The following C1orf116 variants were observed in gnomAD, a reference collection of about 807,000 sequenced individuals.
The protein encoded by C1orf116 is specifically androgen-regulated gene protein.
A neutral mutation model predicts 14.1 loss-of-function variants in C1orf116; 12 were observed. That is an observed-to-expected ratio of 0.85 (90% CI 0.54 to 1.38). C1orf116 has a LOEUF of 1.38. Ranked by LOEUF, C1orf116 falls within the 40% of genes most tolerant of loss-of-function variation. The pLI, the probability that C1orf116 is intolerant of heterozygous loss-of-function variation, is 0.00. For missense variants in C1orf116, 797 were observed against 747.0 expected, an observed-to-expected ratio of 1.07 and a Z score of -0.78; for synonymous variants, 296 against 299.0, an observed-to-expected ratio of 0.99 and a Z score of 0.10.
chr1:207,031,159 A>G (rs1682232231), intron 1 of C1orf116, among the ~76,000 whole-genome samples: 1 of 152,216 alleles, frequency 6.6e-6, no homozygotes, highest in South Asian at 2.1e-4. Context: ...CTACCCAGAA[A>G]TGTGCCTTGG....
rs1463907188 is a variant in C1orf116 at position 207,022,302 on chromosome 1, C to G, written c.1462G>C (p.Gly488Arg). 1 of 1,613,792 alleles carries G rather than the reference C, an allele frequency of 6.2e-7. No individual in the cohort carries two copies. The highest frequency in any genetic ancestry group is 8.5e-7 in the Non-Finnish European group (1 of 1,179,932). ...GAAAGGTAGCTGCTCAGTCCCACGCCTGAGCGCTCCAGAGTGTTGGACTTG... is the reference window on the plus strand; with the variant it reads ...GAAAGGTAGCTGCTCAGTCCCACGCGTGAGCGCTCCAGAGTGTTGGACTTG... ...NFKSNTLERS[G>R]VGLSSYLSTE... Residue 488 changes from glycine to arginine, a missense_variant, in exon 4 of 4, where the codon GGC (glycine) becomes CGC (arginine). By Grantham distance (125) the Gly-to-Arg change is moderately radical. Coordinates refer to ENST00000359470, the MANE Select transcript of C1orf116 (RefSeq NM_023938.6).
chr1:207,019,223 G>A lies in C1orf116; in HGVS notation c.*2735C>T, dbSNP rs1011517356. 1 of 152,254 alleles carries A rather than the reference G, an allele frequency of 6.6e-6. No individual in the cohort carries two copies. Among genetic ancestry groups the A allele is most frequent in the African/African-American group, 2.4e-5 (1 of 41,436 alleles). The allele number at this position is 152,254 out of a possible 1,614,324, so 9.4% of individuals were successfully genotyped here. ...GCACAGAATTCCAAGTGTAGCACAG[G>A]TGTGGCAATTCAGAAGAGCAGCTGT... is the stretch of plus-strand genomic sequence containing the variant. On this transcript the variant is annotated 3_prime_UTR_variant, in exon 4 of 4. Coordinates refer to ENST00000359470, the MANE Select transcript of C1orf116 (RefSeq NM_023938.6).
In C1orf116 at chr1:207,019,916, G is replaced by A. The variant is rs1391259912; in HGVS notation, c.*2042C>T. On this transcript the variant is annotated 3_prime_UTR_variant, in exon 4 of 4. Transcript: ENST00000359470. ...GACCTTGACCATCCTAATCACACTT[G>A]TGTGATGCCAGGGCCCCAGGTTCCA... 2 of 152,180 alleles carry A rather than the reference G, an allele frequency of 1.3e-5. No homozygotes were observed. Among genetic ancestry groups the A allele is most frequent in the Non-Finnish European group, 2.9e-5 (2 of 68,026 alleles). The allele number at this position is 152,180 out of a possible 1,614,324, so 9.4% of individuals were successfully genotyped here.
chr1:207,026,182 G>T (rs908532605), intron 2 of C1orf116, among the ~76,000 whole-genome samples: 1 of 152,216 alleles, frequency 6.6e-6, no homozygotes, highest in Non-Finnish European at 1.5e-5. Context: ...ATATCCTGGA[G>T]GGAGGGGAGA....
rs1681829032 is a variant in C1orf116, at chr1:207,021,027, A to T, written c.*931T>A. 6.6e-6 allele frequency: 1 copy of T among 152,112 alleles called. No individual in the cohort carries two copies. The highest frequency in any genetic ancestry group is 1.5e-5 in the Non-Finnish European group (1 of 68,010). 9.4% of individuals were successfully genotyped at this position (152,112 alleles called of 1,614,324 possible). A position where few individuals can be genotyped will look rare whatever the true frequency, so the allele number is the denominator to read the frequency against. On this transcript the variant is annotated 3_prime_UTR_variant, in exon 4 of 4. Transcript: ENST00000359470. ...TATCACTGGAACTGAGAAAAATTTA[A>T]AACTACCTGCATCAGCACAGAGAAG...
intron 2 of C1orf116, among the ~76,000 whole-genome samples, chr1:207,026,827 G>T (rs747769691): frequency 4.9e-4 from 75 of 152,194 alleles, no homozygotes; most frequent in Admixed American, 1.4e-3. Context: ...TTTATTAAAT[G>T]CCACTCACAA....
Position 207,025,005 on chromosome 1 carries a change from C to A in C1orf116, c.165G>T (p.Glu55Asp). The A allele has an allele frequency of 6.2e-7, 1 of 1,612,202 alleles. No homozygotes were observed. Among genetic ancestry groups the A allele is most frequent in the Non-Finnish European group, 8.5e-7 (1 of 1,179,404 alleles). Residue 55 changes from glutamate (E) to aspartate (D), a missense_variant, in exon 3 of 4, where the codon GAG (glutamate) becomes GAT (aspartate). Glu to Asp is a conservative substitution (Grantham distance 45). Coordinates refer to ENST00000359470, the MANE Select transcript of C1orf116 (RefSeq NM_023938.6). ...TEEKECLLFLEETIGSLDTEA... is the reference protein window; with the variant it reads ...TEEKECLLFLDETIGSLDTEA... ...CCGTGTCCAGTGAGCCAATGGTCTC[C>A]TCCAGGAAGAGCAGACACTCCTTCT...
chr1:207,025,185 G>T, intron 2 of C1orf116, 121 bp from the exon 3 acceptor site: 1 of 715,466 alleles, frequency 1.4e-6, no homozygotes, highest in Non-Finnish European at 2.4e-6. Flanking sequence ...CGGGGCCTGA[G>T]AACCACCCTG....
chr1:207,032,547 G>A, intron 1 of C1orf116, 32 bp downstream of exon 1: 1 of 980,740 alleles, frequency 1.0e-6, no homozygotes, highest in East Asian at 1.1e-4. Flanking sequence ...ATTGCTATAG[G>A]ATAAGCAATA....
chr1:207,023,475 G>C lies in C1orf116; in HGVS notation c.289C>G (p.Pro97Ala). 6.2e-7 allele frequency: 1 copy of C among 1,605,010 alleles called. No individual in the cohort carries two copies. The highest frequency in any genetic ancestry group is 8.5e-7 in the Non-Finnish European group (1 of 1,176,170). The change falls in exon 4 of 4, where the codon CCA (proline) becomes GCA (alanine). Residue 97 changes from proline to alanine, a missense_variant. By Grantham distance (27) the Pro-to-Ala change is conservative. Transcript: ENST00000359470. ...CCTTGCTGAGTGATGGTCTCCTCTG[G>C]ACCTCCTGTGAGGGTCAGAAAGAAC... ...PITQPTPRGG[P>A]EETITQQGRT...
At position 207,022,111 on chromosome 1, in the gene C1orf116, C is replaced by G. The variant is rs41309623; in HGVS notation, c.1653G>C (p.Glu551Asp). The G allele has an allele frequency of 8.1e-6, 13 of 1,612,592 alleles. No individual in the cohort carries two copies. Among genetic ancestry groups the G allele is most frequent in the Non-Finnish European group, 1.0e-5 (12 of 1,178,952 alleles). The change falls in exon 4 of 4, where the codon GAG (glutamate) becomes GAC (aspartate). Residue 551 changes from glutamate to aspartate, a missense_variant. By Grantham distance (45) the Glu-to-Asp change is conservative. Coordinates refer to ENST00000359470, the MANE Select transcript of C1orf116 (RefSeq NM_023938.6). ...GIQVGKLADL[E>D]QEQSSKRLSY... Reference sequence around the variant, plus strand: ...ACAGGCGCTTGGAGCTCTGCTCCTGCTCCAGGTCAGCCAGCTTGCCTACCT... The same window carrying G: ...ACAGGCGCTTGGAGCTCTGCTCCTGGTCCAGGTCAGCCAGCTTGCCTACCT...
In C1orf116 at chr1:207,023,149, C is replaced by T. The variant is rs1195493346; in HGVS notation, c.615G>A (p.Arg205=). The change falls in exon 4 of 4, where the codon CGG becomes CGA. Residue 205 remains arginine, a synonymous_variant. Coordinates refer to ENST00000359470, the MANE Select transcript of C1orf116 (RefSeq NM_023938.6). ...CCCTACACTGCTCTGGCTGGGTGTC[C>T]CGGAAAGCTTCTGGCGGAGGGATGA... The part of the protein sequence containing the change: ...VVLIPPPEAF[R]DTQPEQCREA... 7 of 1,611,588 alleles carry T rather than the reference C, an allele frequency of 4.3e-6. No individual in the cohort carries two copies. Among genetic ancestry groups the T allele is most frequent in the Non-Finnish European group, 5.9e-6 (7 of 1,178,902 alleles).
rs1457294423 is a variant in C1orf116, at chr1:207,027,475, G to A, written c.105+19C>T. The A allele has an allele frequency of 6.2e-7, 1 of 1,613,594 alleles. No homozygotes were observed. The highest frequency in any genetic ancestry group is 1.7e-5 in the Admixed American group (1 of 60,024). ...GTGCAGAGAGCAGACCAGGTTGCGG[G>A]AGGGAGAGTATTACGTACAGATCCA... On this transcript the variant is annotated intron_variant, in intron 2 of 3. Transcript: ENST00000359470.
At chr1:207,029,338 G>A (rs1682176992) in intron 1 of C1orf116, among the ~76,000 whole-genome samples, 1 of 152,094 alleles carries the variant, frequency 6.6e-6, no homozygotes, top group Non-Finnish European at 1.5e-5. Flanking sequence ...GTGGGGTGAG[G>A]AAGCTCTTAG....
chr1:207,027,603 C>G lies in C1orf116; in HGVS notation c.-5G>C. ...CCACAGCTCCCTCTCGGGCATCACC[C>G]GAAACAAGGTGCAGGGATGGCAAAG... On this transcript the variant is annotated 5_prime_UTR_variant, in exon 2 of 4. Transcript: ENST00000359470. 1 of 1,611,548 alleles carries G rather than the reference C, an allele frequency of 6.2e-7. No homozygotes were observed. The highest frequency in any genetic ancestry group is 8.5e-7 in the Non-Finnish European group (1 of 1,179,976).
chr1:207,029,330 G>T (rs1682176661), intron 1 of C1orf116, among the ~76,000 whole-genome samples: 1 of 152,232 alleles, frequency 6.6e-6, no homozygotes, highest in South Asian at 2.1e-4. Flanking sequence ...AAATAAATGT[G>T]GGGTGAGGAA....
intron 1 of C1orf116, 145 bp downstream of exon 1, chr1:207,032,434 T>C (rs1347539422): frequency 6.4e-6 from 3 of 466,760 alleles, no homozygotes; most frequent in Admixed American, 6.4e-5. Flanking sequence ...GATCCCAGAA[T>C]GGACTCAGAG....
chr1:207,030,766 T>A lies in C1orf116; in HGVS notation c.-82+1813A>T, dbSNP rs76218324. 2.1e-3 allele frequency among the ~76,000 whole-genome samples: 318 copies of A among 152,222 alleles called. 1 individual carries two copies. Among genetic ancestry groups the A allele is most frequent in the African/African-American group, 7.3e-3 (303 of 41,536 alleles). The stretch of plus-strand genomic sequence containing the variant: ...CAAACAAAACACTCAAGGTGAGAGT[T>A]TGGTATCTTAACCCTTGACCTCTTT... On this transcript the variant is annotated intron_variant, in intron 1 of 3. Transcript: ENST00000359470.
chr1:207,023,380 C>G lies in C1orf116; in HGVS notation c.384G>C (p.Arg128Ser), dbSNP rs1681953178. The part of the protein sequence containing the change: ...HPPEPQGLGL[R>S]SGSYSLPRNI... The stretch of plus-strand genomic sequence containing the variant: ...TCCTAGGGAGGCTGTAGGAGCCAGA[C>G]CTGAGGCCTAGGCCCTGGGGCTCAG... Residue 128 changes from arginine (R) to serine (S), a missense_variant, in exon 4 of 4, where the codon AGG (arginine) becomes AGC (serine). Coordinates refer to ENST00000359470, the MANE Select transcript of C1orf116 (RefSeq NM_023938.6). The G allele has an allele frequency of 6.2e-7, 1 of 1,613,988 alleles. No individual in the cohort carries two copies. Among genetic ancestry groups the G allele is most frequent in the Non-Finnish European group, 8.5e-7 (1 of 1,179,994 alleles).
Sources: allele counts gnomAD v4.1 joint callset (sites outside exome capture counted in the v4.1 genomes callset), GRCh38; gene constraint gnomAD v4.1.1; transcripts MANE v1.5; gene names NCBI Gene and HGNC (gene_info 2026-07-23, HGNC 2026-07-21).